PRPF40B: variants seen among roughly 807,000 people sequenced by gnomAD.
The protein encoded by PRPF40B is pre-mRNA-processing factor 40 homolog B.
Under a neutral mutation model 124.5 loss-of-function variants are expected in PRPF40B, and 56 were observed. The ratio of observed to expected loss-of-function variants is 0.45; its 90% CI spans 0.36 to 0.56. The LOEUF is 0.56. PRPF40B is among the 20% of genes least tolerant of loss of function. PRPF40B has a pLI of 0.00. For synonymous variants in PRPF40B, 443 were observed against 426.4 expected (o/e 1.04, Z -0.48); for missense variants, 1,053 against 1,169.5 (o/e 0.90, Z 1.45).
At position 49,642,804 on chromosome 12, in the gene PRPF40B, G is replaced by T; in HGVS notation, c.2119-126G>T. On this transcript the variant is annotated intron_variant, in intron 21 of 25. Transcript: ENST00000548825. This position sits in a 1 kb window ranked among gnomAD's most constrained non-coding sequence, Gnocchi z 5.8. Reference sequence around the variant, plus strand: ...GCCAGCTAAGGAAGGGGAGGCCTGAGGATCCCTGGGATAGGCAGAAGGCTC... The same window carrying T: ...GCCAGCTAAGGAAGGGGAGGCCTGATGATCCCTGGGATAGGCAGAAGGCTC... 1.4e-6 allele frequency: 2 copies of T among 1,420,756 alleles called. No homozygotes were observed. The highest frequency in any genetic ancestry group is 9.7e-7 in the Non-Finnish European group (1 of 1,031,282). 88.0% of individuals were successfully genotyped at this position (1,420,756 alleles called of 1,614,324 possible).
chr12:49,637,658 G>A, intron 17 of PRPF40B, 74 bp downstream of exon 17: 1 of 1,558,654 alleles, frequency 6.4e-7, no homozygotes, highest in South Asian at 1.1e-5. Context: ...CCTACTACCG[G>A]CTCCTGTCCT....
chr12:49,640,706 C>A (rs1364863461), intron 18 of PRPF40B: 2 of 152,208 alleles, frequency 1.3e-5, no homozygotes, highest in Non-Finnish European at 2.9e-5. Context: ...TAAATAACAT[C>A]TGTAAAGTGT....
Position 49,642,917 on chromosome 12 carries a change from C to T in PRPF40B, c.2119-13C>T, listed in dbSNP as rs781374182. 3 of 1,610,452 alleles carry T rather than the reference C, an allele frequency of 1.9e-6. No individual in the cohort carries two copies. The highest frequency in any genetic ancestry group is 2.2e-5 in the South Asian group (2 of 90,394). On this transcript the variant is annotated splice_polypyrimidine_tract_variant and intron_variant, in intron 21 of 25. Transcript: ENST00000548825. This position sits in a 1 kb window ranked among gnomAD's most constrained non-coding sequence, Gnocchi z 5.8. ...TGGTGCTGTCCTCACCCTTCTTCCT[C>T]TGCCTCTAGCAGACTGAATGCCAGC...
chr12:49,634,508 G>C (rs760060822), intron 11 of PRPF40B, 30 bp from the exon 12 acceptor site: 8 of 1,614,188 alleles, frequency 5.0e-6, no homozygotes, highest in Non-Finnish European at 5.9e-6. Flanking sequence ...AGCGGGGCAG[G>C]CCCCATGACT....
intron 4 of PRPF40B, 140 bp downstream of exon 4, chr12:49,632,065 A>G: frequency 2.4e-6 from 2 of 818,864 alleles, no homozygotes; most frequent in Non-Finnish European, 4.1e-6. Flanking sequence ...CCCACACTCA[A>G]ATCCTTCTCG....
intron 1 of PRPF40B, among the ~76,000 whole-genome samples, chr12:49,626,585 C>T (rs1187150946): frequency 6.6e-6 from 1 of 152,144 alleles, no homozygotes. Flanking sequence ...GGTAATCTAA[C>T]AATTCTGTGC....
Position 49,644,302 on chromosome 12 carries a change from A to C in PRPF40B, c.*110A>C, listed in dbSNP as rs1441205415. ...AGTCTGGTCTGTGTCCACTTTTTCT[A>C]AAGTAACCCCACCCCCAGCACACCA... is the stretch of plus-strand genomic sequence containing the variant. On this transcript the variant is annotated 3_prime_UTR_variant, in exon 26 of 26. Coordinates refer to ENST00000548825, the MANE Select transcript of PRPF40B (RefSeq NM_001031698.3). 2.4e-6 allele frequency: 3 copies of C among 1,235,648 alleles called. No homozygotes were observed. Among genetic ancestry groups the C allele is most frequent in the Non-Finnish European group, 2.3e-6 (2 of 862,014 alleles). 76.5% of individuals were successfully genotyped at this position (1,235,648 alleles called of 1,614,324 possible).
rs201271932 is a variant in PRPF40B, at chr12:49,634,042, C to A, written c.762C>A (p.Thr254=). Residue 254 remains threonine, a synonymous_variant, in exon 10 of 26, where the codon ACC becomes ACA. Coordinates refer to ENST00000548825, the MANE Select transcript of PRPF40B (RefSeq NM_001031698.3). ...AAGATTGTGATGTGTTGGAGGCCAC[C>A]CAGCCCCTGGAACAGGGGTTCCTGC... ...GSEDCDVLEA[T]QPLEQGFLQQ... is the part of the protein sequence containing the mutation. 1.2e-6 allele frequency: 2 copies of A among 1,613,696 alleles called. No individual in the cohort carries two copies. The highest frequency in any genetic ancestry group is 2.2e-5 in the East Asian group (1 of 44,888).
upstream of PRPF40B, chr12:49,623,405 G>A (rs915373912): frequency 1.3e-5 from 5 of 384,414 alleles, no homozygotes; most frequent in South Asian, 1.2e-4. Flanking sequence ...GTGCCGGGGG[G>A]GCGGGGCCGG....
chr12:49,636,802 C>T lies in PRPF40B; in HGVS notation c.1513C>T (p.Arg505Trp), dbSNP rs753684139. The change falls in exon 16 of 26, where the codon CGG (arginine) becomes TGG (tryptophan). Residue 505 changes from arginine (R) to tryptophan (W), a missense_variant. This residue lies in a region of PRPF40B where 895 missense variants were observed against 1,052.2 expected (regional missense o/e 0.85). Coordinates refer to ENST00000548825, the MANE Select transcript of PRPF40B (RefSeq NM_001031698.3). The part of the protein sequence containing the change: ...REEEEERERA[R>W]LRERRQQRKN... Reference sequence around the variant, plus strand: ...AGAGGAGGAGGAACGGGAGCGGGCCCGGCTTCGGGAGCGACGCCAACAACG... The same window carrying T: ...AGAGGAGGAGGAACGGGAGCGGGCCTGGCTTCGGGAGCGACGCCAACAACG... 9.3e-6 allele frequency: 15 copies of T among 1,614,078 alleles called. No homozygotes were observed. Among genetic ancestry groups the T allele is most frequent in the Admixed American group, 5.0e-5 (3 of 60,000 alleles).
At position 49,633,432 on chromosome 12, in the gene PRPF40B, C is replaced by T. The variant is rs139010275; in HGVS notation, c.465C>T (p.Leu155=). The part of the protein sequence containing the change: ...PSVLKSKAEL[L]LSQCPWKEYK... Reference sequence around the variant, plus strand: ...CCTATCCCATCCACTTGCAGCTGCTCCTGTCCCAATGTCCCTGGAAAGAGT... The same window carrying T: ...CCTATCCCATCCACTTGCAGCTGCTTCTGTCCCAATGTCCCTGGAAAGAGT... The change falls in exon 8 of 26, where the codon CTC becomes CTT. Residue 155 remains leucine, a synonymous_variant. Transcript: ENST00000548825. 338 of 1,614,028 alleles carry T rather than the reference C, an allele frequency of 2.1e-4. 1 individual carries two copies. Among genetic ancestry groups the T allele is most frequent in the Non-Finnish European group, 2.4e-4 (284 of 1,180,032 alleles).
At chr12:49,639,328 C>T (rs887625724) in intron 18 of PRPF40B, 3 of 152,190 alleles carry the variant, frequency 2.0e-5, no homozygotes, top group African/African-American at 4.8e-5. Context: ...GACCTCTCTC[C>T]TACTGTTGGG....
At chr12:49,623,970 T>A in intron 1 of PRPF40B, 1 of 1,063,340 alleles carries the variant, frequency 9.4e-7, no homozygotes, top group Non-Finnish European at 1.1e-6. Flanking sequence ...TCCTGGGATA[T>A]TTGGTGTGCG....
Position 49,633,498 on chromosome 12 carries a change from G to A in PRPF40B, c.531G>A (p.Gln177=). 2 of 1,614,204 alleles carry A rather than the reference G, an allele frequency of 1.2e-6. No individual in the cohort carries two copies. The highest frequency in any genetic ancestry group is 1.7e-6 in the Non-Finnish European group (2 of 1,180,040). Reference sequence around the variant, plus strand: ...GCAAACCTTATTACTATAACAACCAGAGTAAAGAGTCCCGCTGGACCCGGC... The same window carrying A: ...GCAAACCTTATTACTATAACAACCAAAGTAAAGAGTCCCGCTGGACCCGGC... ...DTGKPYYYNN[Q]SKESRWTRPK... is the part of the protein sequence containing the mutation. Residue 177 remains glutamine (Q), a synonymous_variant, in exon 8 of 26, where the codon CAG becomes CAA. Transcript: ENST00000548825.
Position 49,641,988 on chromosome 12 carries a change from A to G in PRPF40B, c.1848A>G (p.Ala616=), listed in dbSNP as rs771166750. The G allele has an allele frequency of 6.2e-7, 1 of 1,613,702 alleles. No homozygotes were observed. Among genetic ancestry groups the G allele is most frequent in the Non-Finnish European group, 8.5e-7 (1 of 1,180,026 alleles). Residue 616 remains alanine, a synonymous_variant, in exon 19 of 26, where the codon GCA becomes GCG. Coordinates refer to ENST00000548825, the MANE Select transcript of PRPF40B (RefSeq NM_001031698.3). ...HVISFDKRAA[A]LDAGNIKLTF... ...TAAGCTTTGACAAGAGGGCTGCCGCACTGGACGCAGGCAACATCAAGCTGA... is the reference window on the plus strand; with the variant it reads ...TAAGCTTTGACAAGAGGGCTGCCGCGCTGGACGCAGGCAACATCAAGCTGA...
chr12:49,633,915 T>C lies in PRPF40B; in HGVS notation c.635T>C (p.Leu212Pro). The C allele has an allele frequency of 1.2e-6, 2 of 1,614,136 alleles. No homozygotes were observed. Reference protein sequence around the residue: ...GKQQQQLPQTLQPQPPQPQPD... With the variant: ...GKQQQQLPQTPQPQPPQPQPD... The stretch of plus-strand genomic sequence containing the variant: ...CAGCAGCAGCAGCTGCCACAGACAC[T>C]TCAGCCACAGCCACCTCAGCCACAG... Residue 212 changes from leucine (L) to proline (P), a missense_variant, in exon 10 of 26, where the codon CTT (leucine) becomes CCT (proline). Coordinates refer to ENST00000548825, the MANE Select transcript of PRPF40B (RefSeq NM_001031698.3).
intron 17 of PRPF40B, 29 bp from the exon 18 acceptor site, chr12:49,637,704 G>A (rs757345886): frequency 2.6e-5 from 22 of 840,072 alleles, no homozygotes; most frequent in Non-Finnish European, 3.1e-5. Flanking sequence ...GCTGCCGCCC[G>A]CCAGGCCCCC....
chr12:49,632,996 G>GCC lies in PRPF40B; in HGVS notation c.349-8_349-7dup, dbSNP rs376648517. The stretch of plus-strand genomic sequence containing the variant: ...AAAGGGGCCTTGACCACCATTCTGT[G>GCC]CCCCCCCCCCCACCCAGAGGGCCCT... On this transcript the variant is annotated splice_polypyrimidine_tract_variant and intron_variant, in intron 6 of 25. Transcript: ENST00000548825. 833 of 1,147,204 alleles carry GCC rather than the reference G, an allele frequency of 7.3e-4. No homozygotes were observed. The highest frequency in any genetic ancestry group is 8.1e-4 in the Non-Finnish European group (667 of 822,556). 71.1% of individuals were successfully genotyped at this position (1,147,204 alleles called of 1,614,324 possible). A position where few individuals can be genotyped will look rare whatever the true frequency, so the allele number is the denominator to read the frequency against.
In PRPF40B at chr12:49,642,595, G is replaced by A. The variant is rs751308406; in HGVS notation, c.2038G>A (p.Val680Met). 4 of 1,614,230 alleles carry A rather than the reference G, an allele frequency of 2.5e-6. No individual in the cohort carries two copies. The East Asian group carries it at 6.7e-5, about 27-fold the overall frequency. Reference sequence around the variant, plus strand: ...CTCGTTCAAGGTCCGTGAGCGTTTTGTGTGTGACTCAGCCTTTGAGCAGAT... The same window carrying A: ...CTCGTTCAAGGTCCGTGAGCGTTTTATGTGTGACTCAGCCTTTGAGCAGAT... ...TAWEEVRERF[V>M]CDSAFEQITL... The change falls in exon 21 of 26, where the codon GTG becomes ATG. Residue 680 changes from valine (V) to methionine (M), a missense_variant. By Grantham distance (21) the Val-to-Met change is conservative. Around this residue, in one of 2 missense-constraint regions of PRPF40B, gnomAD observed 895 missense variants for 1,052.2 expected, o/e 0.85. Coordinates refer to ENST00000548825, the MANE Select transcript of PRPF40B (RefSeq NM_001031698.3). This position sits in a 1 kb window ranked among gnomAD's most constrained non-coding sequence, Gnocchi z 5.8.
Sources: allele counts gnomAD v4.1 joint callset (sites outside exome capture counted in the v4.1 genomes callset), GRCh38; gene constraint gnomAD v4.1.1; regional missense constraint gnomAD v4.1.1; non-coding constraint Gnocchi (gnomAD v3.1); transcripts MANE v1.5; gene names NCBI Gene and HGNC (gene_info 2026-07-23, HGNC 2026-07-21).